The following RAD51B variants were observed in gnomAD, a reference collection of about 807,000 sequenced individuals.
RAD51B encodes the protein DNA repair protein RAD51 homolog 2.
A neutral mutation model predicts 42.2 loss-of-function variants in RAD51B; 38 were observed. That is an observed-to-expected ratio of 0.90 (90% confidence interval 0.70 to 1.18). RAD51B has a LOEUF of 1.18. Ranked by LOEUF, RAD51B falls within the 50% of genes most tolerant of loss-of-function variation. RAD51B has a pLI of 0.00. For missense variants in RAD51B, 373 were observed against 400.7 expected (o/e 0.93, Z 0.59); for synonymous variants, 154 against 145.2 (o/e 1.06, Z -0.43).
At chr14:68,414,411 T>C (rs575746610) in intron 9 of RAD51B, among the ~76,000 whole-genome samples, 87 of 152,318 alleles carry the variant, frequency 5.7e-4, no homozygotes, top group Non-Finnish European at 1.2e-3. Flanking sequence ...ACATTTTTAT[T>C]CTTACCAAAG....
chr14:68,230,677 T>C (rs1394085875), intron 7 of RAD51B, among the ~76,000 whole-genome samples: 1 of 152,212 alleles, frequency 6.6e-6, no homozygotes, highest in Non-Finnish European at 1.5e-5. Context: ...GCCTTACAGC[T>C]AAAGAAACGG....
At chr14:68,439,373 A>T (rs1186111794) in intron 9 of RAD51B, among the ~76,000 whole-genome samples, 1 of 152,106 alleles carries the variant, frequency 6.6e-6, no homozygotes, top group Non-Finnish European at 1.5e-5. Flanking sequence ...TGTTGTTGCT[A>T]ATCTCTGGGT....
chr14:68,196,670 A>G (rs1008423987), intron 7 of RAD51B, among the ~76,000 whole-genome samples: 1 of 152,010 alleles, frequency 6.6e-6, no homozygotes, highest in Non-Finnish European at 1.5e-5. Flanking sequence ...ATTTATTTGT[A>G]TGACTTTTTT....
rs71423311 is a variant in RAD51B at position 68,454,245 on chromosome 14, G to C, written c.958-13927G>C. ...GGGGGAGATAACCAAGATAGATACT[G>C]AATCAGGATGTTTACATTTTGGCTT... On this transcript the variant is annotated intron_variant, in intron 9 of 10. Coordinates refer to ENST00000471583, the MANE Select transcript of RAD51B (RefSeq NM_133510.4). 3.4e-3 allele frequency among the ~76,000 whole-genome samples: 512 copies of C among 152,276 alleles called. 2 individuals are homozygous for C. The highest frequency in any genetic ancestry group is 6.2e-3 in the Non-Finnish European group (421 of 68,018).
At chr14:68,153,308 A>G (rs1484793635) in intron 7 of RAD51B, among the ~76,000 whole-genome samples, 1 of 152,216 alleles carries the variant, frequency 6.6e-6, no homozygotes, top group South Asian at 2.1e-4. Context: ...AAATATAATA[A>G]ATAAATTTGA....
chr14:68,410,904 T>C (rs886352707), intron 8 of RAD51B, among the ~76,000 whole-genome samples: 4 of 151,864 alleles, frequency 2.6e-5, no homozygotes, highest in Admixed American at 2.6e-4. Flanking sequence ...TATGAAATGC[T>C]GAGATCTTCT....
chr14:68,547,537 C>A lies in RAD51B; in HGVS notation c.1037-46948C>A, dbSNP rs531678891. Among the ~76,000 whole-genome samples the A allele has an allele frequency of 4.6e-5, 7 of 152,248 alleles. No homozygotes were observed. In the South Asian group the frequency reaches 1.2e-3, roughly 27 times the overall value. On this transcript the variant is annotated intron_variant, in intron 10 of 10. Coordinates refer to the RAD51B transcript ENST00000487270. The stretch of plus-strand genomic sequence containing the variant: ...GGAGCCCCGCTCACTCCTCAGCACC[C>A]GGGAGCATCACGGAATCTAAGGTGA...
intron 7 of RAD51B, among the ~76,000 whole-genome samples, chr14:68,246,152 C>T (rs2080493560): frequency 6.6e-6 from 1 of 152,120 alleles, no homozygotes; most frequent in African/African-American, 2.4e-5. Context: ...TGGGCCCTAA[C>T]TCCCTGGACA....
At chr14:67,934,745 G>T (rs8015741) in intron 7 of RAD51B, among the ~76,000 whole-genome samples, 9,103 of 152,226 alleles carry the variant, frequency 0.06, 640 homozygotes, top group African/African-American at 0.17. Flanking sequence ...TTAGCCCCTT[G>T]AGGGCAGGGA....
At chr14:68,411,320 C>T in intron 8 of RAD51B, 104 bp from the exon 9 acceptor site, 3 of 917,870 alleles carry the variant, frequency 3.3e-6, no homozygotes, top group Non-Finnish European at 3.5e-6. Flanking sequence ...ACTGAGCCTC[C>T]AAGTACTCTC....
In RAD51B at chr14:68,299,489, ATTAT is replaced by A. The variant is rs1318349924; in HGVS notation, c.853+7513_853+7516del. Among the ~76,000 whole-genome samples, 6 of 152,290 alleles carry A rather than the reference ATTAT, an allele frequency of 3.9e-5. No homozygotes were observed. In the East Asian group the frequency reaches 1.2e-3, roughly 29 times the overall value. The stretch of plus-strand genomic sequence containing the variant: ...ATTAGGTATTATAAATAATCTAGAG[ATTAT>A]TTAAAGTATCCAGGAGGATGTGTGT... On this transcript the variant is annotated intron_variant, in intron 8 of 10. Transcript: ENST00000471583.
At chr14:68,131,631 G>T (rs1196528266) in intron 7 of RAD51B, among the ~76,000 whole-genome samples, 1 of 152,162 alleles carries the variant, frequency 6.6e-6, no homozygotes. Flanking sequence ...AGTGGGCGGA[G>T]GTTGCAGTGA....
chr14:68,130,899 T>C (rs1437986873), intron 7 of RAD51B, among the ~76,000 whole-genome samples: 1 of 152,184 alleles, frequency 6.6e-6, no homozygotes, highest in Non-Finnish European at 1.5e-5. Context: ...TGTTTGTGTG[T>C]GTGTGTGTGT....
intron 7 of RAD51B, among the ~76,000 whole-genome samples, chr14:68,093,857 A>ATGTACT (rs1414617108): frequency 1.3e-5 from 2 of 152,108 alleles, no homozygotes; most frequent in African/African-American, 4.8e-5. Flanking sequence ...TCTCCAGGGT[A>ATGTACT]TGTACTGAGG....
chr14:68,166,140 C>T (rs2078744840), intron 7 of RAD51B, among the ~76,000 whole-genome samples: 3 of 148,030 alleles, frequency 2.0e-5, no homozygotes, highest in South Asian at 2.1e-4. Context: ...TAATGGCCTA[C>T]TGGAAGACCA....
At chr14:68,113,052 A>G (rs1202329029) in intron 7 of RAD51B, among the ~76,000 whole-genome samples, 2 of 152,150 alleles carry the variant, frequency 1.3e-5, no homozygotes, top group East Asian at 3.8e-4. Context: ...GCTGAGTACA[A>G]TAGCATATTT....
chr14:68,374,546 A>G (rs1244469701), intron 8 of RAD51B, among the ~76,000 whole-genome samples: 2 of 152,148 alleles, frequency 1.3e-5, no homozygotes, highest in Non-Finnish European at 2.9e-5. Context: ...AATTTGTGGC[A>G]CAACTGAAAT....
Position 68,637,617 on chromosome 14 carries a change from CA to C in RAD51B, c.1037-13162del, listed in dbSNP as rs1892367569. On this transcript the variant is annotated intron_variant, in intron 10 of 11. Transcript: ENST00000488612. ...AAAGGCAGCAAGATTATTTTGTCAG[CA>C]ACATTTGGATCCCATTGGTGATGAG... 3.9e-5 allele frequency among the ~76,000 whole-genome samples: 6 copies of C among 152,282 alleles called. No homozygotes were observed. The South Asian group carries it at 1.2e-3, about 32-fold the overall frequency.
intron 7 of RAD51B, among the ~76,000 whole-genome samples, chr14:68,233,007 G>A (rs113829001): frequency 4.6e-5 from 7 of 152,316 alleles, no homozygotes; most frequent in South Asian, 2.1e-4. Flanking sequence ...TAAGCATACC[G>A]TCTTCAGATG....
Sources: gnomAD v4.1 joint callset for allele counts (sites outside exome capture counted in the v4.1 genomes callset) on GRCh38, gnomAD v4.1.1 for gene constraint, MANE v1.5 for transcripts, NCBI Gene and HGNC (gene_info 2026-07-23, HGNC 2026-07-21) for gene names.